HYCC2: variants seen among roughly 807,000 people sequenced by gnomAD.
HYCC2 encodes hyccin 2.
the HYCC2 span, among the ~76,000 whole-genome samples, chr2:200,993,784 A>G: frequency 6.6e-6 from 1 of 151,844 alleles, no homozygotes; most frequent in East Asian, 1.9e-4. Flanking sequence ...GATCAAGACC[A>G]TCCTGGCTAA....
At chr2:201,005,965 C>A in the HYCC2 span, among the ~76,000 whole-genome samples, 3 of 152,066 alleles carry the variant, frequency 2.0e-5, no homozygotes, top group Non-Finnish European at 4.4e-5. Flanking sequence ...TCCTGAGTAG[C>A]TGGGATTACA....
chr2:200,990,748 T>A, the HYCC2 span, among the ~76,000 whole-genome samples: 1 of 152,160 alleles, frequency 6.6e-6, no homozygotes, highest in Non-Finnish European at 1.5e-5. Context: ...ATTTTTTGTA[T>A]TTTTAGTAGA....
the HYCC2 span, among the ~76,000 whole-genome samples, chr2:201,054,851 G>C: frequency 6.6e-6 from 1 of 152,080 alleles, no homozygotes; most frequent in Admixed American, 6.5e-5. Context: ...AATTTTCAGA[G>C]ATGAGTTCTT....
chr2:201,012,323 T>G, the HYCC2 span, among the ~76,000 whole-genome samples: 1 of 152,112 alleles, frequency 6.6e-6, no homozygotes, highest in East Asian at 1.9e-4. Context: ...TAGCTGGGCA[T>G]GGTATCGCAG....
chr2:200,992,697 A>G, the HYCC2 span, among the ~76,000 whole-genome samples: 1 of 152,226 alleles, frequency 6.6e-6, no homozygotes, highest in East Asian at 1.9e-4. Context: ...CTAGACTCCA[A>G]TTTTAATGAC....
the HYCC2 span, among the ~76,000 whole-genome samples, chr2:201,049,120 T>G: frequency 6.8e-6 from 1 of 147,460 alleles, no homozygotes; most frequent in Non-Finnish European, 1.5e-5. Flanking sequence ...TAAGACTCTG[T>G]CTTAAAAAAA....
the HYCC2 span, among the ~76,000 whole-genome samples, chr2:201,056,067 G>A: frequency 6.6e-6 from 1 of 152,060 alleles, no homozygotes; most frequent in Non-Finnish European, 1.5e-5. Flanking sequence ...GGCGCCTGTA[G>A]CCTGTAGTCC....
the HYCC2 span, among the ~76,000 whole-genome samples, chr2:201,055,924 C>T: frequency 4.6e-5 from 7 of 152,224 alleles, no homozygotes; most frequent in East Asian, 7.7e-4. Flanking sequence ...CACGGTGGCT[C>T]ACACCTGTAA....
chr2:200,983,288 T>C, the HYCC2 span, among the ~76,000 whole-genome samples: 1 of 152,290 alleles, frequency 6.6e-6, no homozygotes, highest in East Asian at 1.9e-4. Flanking sequence ...ATATCAACAT[T>C]ACAGGTAAGG....
the HYCC2 span, among the ~76,000 whole-genome samples, chr2:201,062,729 G>T: frequency 6.7e-6 from 1 of 150,258 alleles, no homozygotes; most frequent in Non-Finnish European, 1.5e-5. Context: ...GAGATGGGAG[G>T]ATCATTTGAG....
At chr2:200,996,024 TTTTC>T in the HYCC2 span, 5 of 149,034 alleles carry the variant, frequency 3.4e-5, no homozygotes, top group Non-Finnish European at 7.4e-5. Context: ...AATTTTTCTT[TTTTC>T]TTTTTTTTTT....
the HYCC2 span, chr2:200,987,605 G>T: frequency 1.7e-6 from 2 of 1,164,692 alleles, no homozygotes; most frequent in Non-Finnish European, 2.2e-6. Context: ...GACCCAGGCA[G>T]ATAAGAGAAT....
At chr2:201,010,029 GGGA>G in the HYCC2 span, among the ~76,000 whole-genome samples, 1 of 151,268 alleles carries the variant, frequency 6.6e-6, no homozygotes, top group Non-Finnish European at 1.5e-5. Context: ...GCTTGAACCC[GGGA>G]GGTGGAGGTG....
At chr2:201,048,624 G>A in the HYCC2 span, among the ~76,000 whole-genome samples, 7 of 151,540 alleles carry the variant, frequency 4.6e-5, no homozygotes, top group Non-Finnish European at 8.8e-5. Context: ...TAGATACCCC[G>A]ATGTAGAAAA....
chr2:201,060,885 T>TG, the HYCC2 span, among the ~76,000 whole-genome samples: 1 of 152,092 alleles, frequency 6.6e-6, no homozygotes, highest in African/African-American at 2.4e-5. Context: ...ATTCTACTCT[T>TG]GGAGAGTACA....
chr2:201,035,682 T>C, the HYCC2 span, among the ~76,000 whole-genome samples: 1 of 152,158 alleles, frequency 6.6e-6, no homozygotes, highest in Non-Finnish European at 1.5e-5. Flanking sequence ...GGTGCTCTGA[T>C]TTTTAGAATT....
chr2:201,043,717 C>G, the HYCC2 span, among the ~76,000 whole-genome samples: 1 of 151,832 alleles, frequency 6.6e-6, no homozygotes, highest in Non-Finnish European at 1.5e-5. Context: ...ACTGTGCTAG[C>G]CAGGATGGTC....
the HYCC2 span, among the ~76,000 whole-genome samples, chr2:201,042,466 G>GT: frequency 6.6e-6 from 1 of 151,512 alleles, no homozygotes; most frequent in Non-Finnish European, 1.5e-5. Context: ...CGTCTGAGAT[G>GT]TGAAGAGTGC....
At chr2:201,024,967 G>C in the HYCC2 span, among the ~76,000 whole-genome samples, 3 of 151,856 alleles carry the variant, frequency 2.0e-5, no homozygotes, top group African/African-American at 4.8e-5. Flanking sequence ...AAAAAACTTA[G>C]CCAGGTGTAG....
Sources: gnomAD v4.1 joint callset for allele counts (sites outside exome capture counted in the v4.1 genomes callset) on GRCh38, gnomAD v4.1.1 for gene constraint, MANE v1.5 for transcripts, NCBI Gene and HGNC (gene_info 2026-07-23, HGNC 2026-07-21) for gene names.